Variants in UBR3 observed in about 807,000 individuals in gnomAD.
The protein encoded by UBR3 is E3 ubiquitin-protein ligase UBR3.
Under a neutral mutation model 243.2 loss-of-function variants are expected in UBR3, and 85 were observed. That is an observed-to-expected ratio of 0.35 (90% CI 0.29 to 0.42). The LOEUF (loss-of-function observed/expected upper bound fraction) is 0.42. UBR3 is among the 10% of genes least tolerant of loss of function. The probability of loss-of-function intolerance (pLI) is 1.00; values close to 1 mark genes in which losing one functional copy is unlikely to be tolerated. For missense variants in UBR3, 1,686 were observed against 2,300.8 expected (o/e 0.73, Z 5.47); for synonymous variants, 748 against 799.8 (o/e 0.94, Z 1.09).
chr2:169,837,133 A>G (rs1250528837), intron 1 of UBR3, among the ~76,000 whole-genome samples: 1 of 152,196 alleles, frequency 6.6e-6, no homozygotes, highest in Non-Finnish European at 1.5e-5. Flanking sequence ...ATTTATTTTT[A>G]CATGTAGTAT....
intron 24 of UBR3, among the ~76,000 whole-genome samples, chr2:169,960,919 C>T (rs893053653): frequency 2.6e-5 from 4 of 152,054 alleles, no homozygotes; most frequent in Non-Finnish European, 5.9e-5. Flanking sequence ...AACTCCTGGA[C>T]CCCTTCAAAG....
chr2:170,019,411 C>T (rs971213192), intron 30 of UBR3, among the ~76,000 whole-genome samples: 1 of 152,096 alleles, frequency 6.6e-6, no homozygotes, highest in Non-Finnish European at 1.5e-5. Context: ...TAGCCAGGTG[C>T]GGTGGCTCAC....
intron 35 of UBR3, 52 bp downstream of exon 35, chr2:170,061,495 T>A: frequency 6.3e-7 from 1 of 1,589,494 alleles, no homozygotes; most frequent in Non-Finnish European, 8.5e-7. Context: ...TCAGATGGAG[T>A]CTCTCTCTGT....
At chr2:169,847,597 T>C (rs1054191148) in intron 1 of UBR3, among the ~76,000 whole-genome samples, 2 of 152,010 alleles carry the variant, frequency 1.3e-5, no homozygotes, top group African/African-American at 4.8e-5. Flanking sequence ...ATTTAAATAG[T>C]AACTAAAAAA....
intron 6 of UBR3, among the ~76,000 whole-genome samples, chr2:169,893,103 A>G (rs940816435): frequency 1.3e-5 from 2 of 152,244 alleles, no homozygotes; most frequent in South Asian, 2.1e-4. Context: ...ATAATATTAC[A>G]CAATATAACA....
At chr2:169,948,519 A>G (rs1297262800) in intron 22 of UBR3, among the ~76,000 whole-genome samples, 42 of 152,090 alleles carry the variant, frequency 2.8e-4, no homozygotes, top group Admixed American at 2.7e-3. Flanking sequence ...AAGCAGTTTT[A>G]GTCTCCACAA....
Position 170,079,928 on chromosome 2 carries a change from G to C in UBR3, c.5314G>C (p.Val1772Leu), listed in dbSNP as rs113364005. The C allele has an allele frequency of 5.0e-6, 8 of 1,613,956 alleles. No individual in the cohort carries two copies. The change falls in exon 37 of 39, where the codon GTT (valine) becomes CTT (leucine). Residue 1772 changes from valine (V) to leucine (L), a missense_variant. Around this residue, in one of 8 missense-constraint regions of UBR3, gnomAD observed 89 missense variants for 183.3 expected, o/e 0.49. Coordinates refer to ENST00000272793, the MANE Select transcript of UBR3 (RefSeq NM_172070.4). ...AAAAACCTGTAGTGTCTGCACCAAG[G>C]TTCCTAAAGATCCTGCTGTTTGCCT... ...HRKTCSVCTK[V>L]PKDPAVCLVC...
At chr2:169,923,336 A>G (rs1350169058) in intron 11 of UBR3, among the ~76,000 whole-genome samples, 1 of 152,154 alleles carries the variant, frequency 6.6e-6, no homozygotes, top group Non-Finnish European at 1.5e-5. Flanking sequence ...AGTGGAGTCC[A>G]GATTAGCTCC....
rs192282871 is a variant in UBR3, at chr2:169,873,290, C to A, written c.685+915C>A. Reference sequence around the variant, plus strand: ...TCTTGTTATCTTTATTGTGAGCAAACCATTATACTTCCTTATTTGTACATT... The same window carrying A: ...TCTTGTTATCTTTATTGTGAGCAAAACATTATACTTCCTTATTTGTACATT... On this transcript the variant is annotated intron_variant, in intron 2 of 38. Transcript: ENST00000272793. Among the ~76,000 whole-genome samples, 303 of 152,150 alleles carry A rather than the reference C, an allele frequency of 2.0e-3. 3 individuals are homozygous for A. The highest frequency in any genetic ancestry group is 7.0e-3 in the African/African-American group (291 of 41,508).
At chr2:170,056,649 A>G (rs1171369171) in intron 33 of UBR3, among the ~76,000 whole-genome samples, 4 of 152,200 alleles carry the variant, frequency 2.6e-5, no homozygotes, top group Admixed American at 2.6e-4. Flanking sequence ...AATGTCATTA[A>G]AACTTTTTTT....
rs73024472 is a variant in UBR3 at position 169,867,829 on chromosome 2, G to A, written c.546-4407G>A. On this transcript the variant is annotated intron_variant, in intron 1 of 38. Coordinates refer to ENST00000272793, the MANE Select transcript of UBR3 (RefSeq NM_172070.4). ...GATTGTAGCCACATTTGCTTCAACT[G>A]CTTTTTTCCCTTTCGCAGAGTATTT... Among the ~76,000 whole-genome samples the A allele has an allele frequency of 4.4e-3, 664 of 152,248 alleles. 1 individual carries two copies. The highest frequency in any genetic ancestry group is 0.014 in the African/African-American group (599 of 41,546).
At chr2:170,024,687 T>G in intron 30 of UBR3, among the ~76,000 whole-genome samples, 1 of 152,132 alleles carries the variant, frequency 6.6e-6, no homozygotes, top group East Asian at 1.9e-4. Flanking sequence ...ACCTTACTTT[T>G]TGGTTCTAGC....
chr2:169,901,094 A>G (rs1186538626), intron 8 of UBR3, among the ~76,000 whole-genome samples: 2 of 152,084 alleles, frequency 1.3e-5, no homozygotes, highest in African/African-American at 2.4e-5. Flanking sequence ...CTGTGGCCCA[A>G]TACTCTTCTC....
chr2:169,995,086 AT>A (rs1488029139), intron 26 of UBR3, among the ~76,000 whole-genome samples: 1 of 152,074 alleles, frequency 6.6e-6, no homozygotes, highest in Non-Finnish European at 1.5e-5. Flanking sequence ...AAACATATTA[AT>A]TTTTTTAATT....
At chr2:170,037,306 A>G (rs920010143) in intron 31 of UBR3, among the ~76,000 whole-genome samples, 2 of 152,032 alleles carry the variant, frequency 1.3e-5, no homozygotes, top group Non-Finnish European at 2.9e-5. Flanking sequence ...TCTCTTCCCC[A>G]AACTCTGACT....
chr2:169,994,251 C>A, intron 25 of UBR3, 72 bp from the exon 26 acceptor site: 1 of 1,509,530 alleles, frequency 6.6e-7, no homozygotes. Context: ...GTAAATAACT[C>A]AGCTTTTCTT....
chr2:169,997,525 T>C (rs1358450786), intron 26 of UBR3, among the ~76,000 whole-genome samples: 4 of 151,922 alleles, frequency 2.6e-5, no homozygotes, highest in Non-Finnish European at 5.9e-5. Context: ...ACTCCCGTAG[T>C]CTAGTGAATG....
At chr2:170,006,194 C>A (rs2089906234) in intron 27 of UBR3, among the ~76,000 whole-genome samples, 2 of 152,128 alleles carry the variant, frequency 1.3e-5, no homozygotes, top group Admixed American at 1.3e-4. Context: ...TCTGGAAAGG[C>A]TTCTCTGTTG....
intron 29 of UBR3, among the ~76,000 whole-genome samples, chr2:170,012,339 A>ATG (rs2090109712): frequency 6.6e-6 from 1 of 152,138 alleles, no homozygotes; most frequent in Non-Finnish European, 1.5e-5. Context: ...CAAAAGAAAG[A>ATG]TGTTGTCAGT....
Sources: allele counts gnomAD v4.1 joint callset (sites outside exome capture counted in the v4.1 genomes callset), GRCh38; gene constraint gnomAD v4.1.1; regional missense constraint gnomAD v4.1.1; transcripts MANE v1.5; gene names NCBI Gene and HGNC (gene_info 2026-07-23, HGNC 2026-07-21).